The following TMEM39A variants were observed in gnomAD, a reference collection of about 807,000 sequenced individuals.
The protein encoded by TMEM39A is suppressor of SQST-1 aggregates in rpl-43 mutants.
A neutral mutation model predicts 51.9 loss-of-function variants in TMEM39A; 19 were observed. That is an observed-to-expected ratio of 0.37 (90% CI 0.26 to 0.54). TMEM39A has a LOEUF of 0.54. Ranked by LOEUF, TMEM39A falls within the 20% of genes least tolerant of loss-of-function variation. The probability of loss-of-function intolerance (pLI) is 0.88; values close to 1 mark genes in which losing one functional copy is unlikely to be tolerated. For synonymous variants in TMEM39A, 197 were observed against 220.2 expected, an observed-to-expected ratio of 0.89 and a Z score of 0.93; for missense variants, 433 against 590.5, an observed-to-expected ratio of 0.73 and a Z score of 2.76.
chr3:119,448,606 A>C (rs928409270), intron 4 of TMEM39A, among the ~76,000 whole-genome samples: 7 of 152,240 alleles, frequency 4.6e-5, no homozygotes, highest in African/African-American at 1.7e-4. Context: ...CTTAAGCCTC[A>C]AACTGTGAAG....
chr3:119,438,681 A>C (rs1399885149), intron 5 of TMEM39A, among the ~76,000 whole-genome samples: 1 of 152,164 alleles, frequency 6.6e-6, no homozygotes, highest in Non-Finnish European at 1.5e-5. Context: ...CACTACTATA[A>C]ATAACAATGT....
At chr3:119,448,538 T>A (rs2081157781) in intron 4 of TMEM39A, among the ~76,000 whole-genome samples, 1 of 152,182 alleles carries the variant, frequency 6.6e-6, no homozygotes, top group Non-Finnish European at 1.5e-5. Context: ...CATATATACG[T>A]AATATATAGT....
intron 3 of TMEM39A, among the ~76,000 whole-genome samples, chr3:119,455,986 A>C (rs1025734074): frequency 2.0e-5 from 3 of 152,188 alleles, no homozygotes; most frequent in African/African-American, 7.2e-5. Flanking sequence ...TCATTTATAA[A>C]ATGGGAGTCA....
In TMEM39A at chr3:119,437,942, T is replaced by A; in HGVS notation, c.737A>T (p.Glu246Val). Residue 246 changes from glutamate (E) to valine (V), a missense_variant, in exon 6 of 9, where the codon GAG (glutamate) becomes GTG (valine). This residue lies in a region of TMEM39A where 223 missense variants were observed against 328.1 expected (regional missense o/e 0.68). Coordinates refer to ENST00000319172, the MANE Select transcript of TMEM39A (RefSeq NM_018266.3). The stretch of plus-strand genomic sequence containing the variant: ...ATTATTAAACTGTTCTTTTAGCGAC[T>A]CCAGCAACAAGGAGAGAAAGTCTTT... ...KSKDFLSLLL[E>V]SLKEQFNNAT... The A allele has an allele frequency of 1.9e-6, 3 of 1,614,126 alleles. No homozygotes were observed. Among genetic ancestry groups the A allele is most frequent in the Non-Finnish European group, 2.5e-6 (3 of 1,180,006 alleles).
rs1577068240 is a variant in TMEM39A at position 119,460,807 on chromosome 3, G to A, written c.113+1155C>T. Among the ~76,000 whole-genome samples the A allele has an allele frequency of 2.0e-5, 3 of 151,424 alleles. No individual in the cohort carries two copies. The South Asian group carries it at 6.2e-4, about 31-fold the overall frequency. ...CAGCTAAGATTTTCTATCACAATTT[G>A]AAAGTACTGAATCAATAAGTTGATA... is the stretch of plus-strand genomic sequence containing the variant. On this transcript the variant is annotated intron_variant, in intron 2 of 8. Transcript: ENST00000319172.
intron 5 of TMEM39A, among the ~76,000 whole-genome samples, chr3:119,443,360 T>A (rs1577054641): frequency 6.6e-6 from 1 of 152,184 alleles, no homozygotes; most frequent in South Asian, 2.1e-4. Context: ...TACAGAGATA[T>A]GTTTCATGAA....
chr3:119,462,717 T>C (rs79304910), intron 1 of TMEM39A, among the ~76,000 whole-genome samples: 16,065 of 142,144 alleles, frequency 0.11, 1,058 homozygotes, highest in South Asian at 0.17. Flanking sequence ...GTACCAGTAG[T>C]TCTTTTAACA....
intron 5 of TMEM39A, among the ~76,000 whole-genome samples, chr3:119,445,775 CATT>C (rs1289411711): frequency 6.6e-6 from 1 of 152,170 alleles, no homozygotes; most frequent in Non-Finnish European, 1.5e-5. Flanking sequence ...TATAGTAAAA[CATT>C]AATAGGCAGA....
In TMEM39A at chr3:119,437,789, T is replaced by C. The variant is rs1229087299; in HGVS notation, c.890A>G (p.Tyr297Cys). 2 of 1,579,610 alleles carry C rather than the reference T, an allele frequency of 1.3e-6. No homozygotes were observed. Among genetic ancestry groups the C allele is most frequent in the Non-Finnish European group, 1.7e-6 (2 of 1,156,668 alleles). ...ACACAGGGGGAGAAATGCAACATAG[T>C]AGGCACTGAAGAGGGAGTTGAAGAG... ...EVLFNSLFSA[Y>C]YVAFLPLCFV... The change falls in exon 6 of 9, where the codon TAC becomes TGC. Residue 297 changes from tyrosine to cysteine, a missense_variant. By Grantham distance (194) the Tyr-to-Cys change is radical. This residue lies in a region of TMEM39A where 223 missense variants were observed against 328.1 expected (regional missense o/e 0.68). Coordinates refer to ENST00000319172, the MANE Select transcript of TMEM39A (RefSeq NM_018266.3).
At chr3:119,439,436 C>A (rs1462277034) in intron 5 of TMEM39A, among the ~76,000 whole-genome samples, 1 of 151,950 alleles carries the variant, frequency 6.6e-6, no homozygotes, top group African/African-American at 2.4e-5. Context: ...CAAAAATTAG[C>A]TGGGTGTGGT....
chr3:119,435,752 T>A (rs2080960644), intron 7 of TMEM39A: 2 of 1,059,674 alleles, frequency 1.9e-6, no homozygotes, highest in African/African-American at 3.4e-5. Context: ...TGCTCACACT[T>A]ACCAGCATTA....
rs149182685 is a variant in TMEM39A at position 119,451,521 on chromosome 3, T to C, written c.420+926A>G. On this transcript the variant is annotated intron_variant, in intron 4 of 8. Coordinates refer to ENST00000319172, the MANE Select transcript of TMEM39A (RefSeq NM_018266.3). ...TAAGAAAGCACATTTCCCTGCCTCA[T>C]TGGGATTTACAAATATATGAAAAAT... 5.0e-3 allele frequency among the ~76,000 whole-genome samples: 768 copies of C among 152,270 alleles called. 4 individuals carry two copies. The highest frequency in any genetic ancestry group is 0.017 in the African/African-American group (712 of 41,564).
Position 119,452,524 on chromosome 3 carries a change from G to A in TMEM39A, c.343C>T (p.His115Tyr). 1.9e-6 allele frequency: 3 copies of A among 1,612,760 alleles called. No individual in the cohort carries two copies. Among genetic ancestry groups the A allele is most frequent in the Non-Finnish European group, 2.5e-6 (3 of 1,179,164 alleles). ...HPASCTSLNFHLIDYHLAAFI... is the reference protein window; with the variant it reads ...HPASCTSLNFYLIDYHLAAFI... ...GCTGCCAGATGATAATCAATGAGAT[G>A]AAAATTCTACAACAGAAATAAATAA... The change falls in exon 4 of 9, where the codon CAT becomes TAT. Residue 115 changes from histidine to tyrosine, a missense_variant. By Grantham distance (83) the His-to-Tyr change is moderately conservative. Coordinates refer to ENST00000319172, the MANE Select transcript of TMEM39A (RefSeq NM_018266.3).
At position 119,431,273 on chromosome 3, in the gene TMEM39A, CT is replaced by C. The variant is rs2080896142; in HGVS notation, c.*707del. On this transcript the variant is annotated 3_prime_UTR_variant, in exon 9 of 9. Coordinates refer to ENST00000319172, the MANE Select transcript of TMEM39A (RefSeq NM_018266.3). Reference sequence around the variant, plus strand: ...CATCTTCTTCATGAATGTGGGCAGTCTAAAGACTTCCTGTCTGGCAAAGTAT... The same window carrying C: ...CATCTTCTTCATGAATGTGGGCAGTCAAAGACTTCCTGTCTGGCAAAGTAT... The C allele has an allele frequency of 6.6e-6, 1 of 152,136 alleles. No homozygotes were observed. Among genetic ancestry groups the C allele is most frequent in the Non-Finnish European group, 1.5e-5 (1 of 68,022 alleles). 9.4% of individuals were successfully genotyped at this position (152,136 alleles called of 1,614,324 possible).
intron 5 of TMEM39A, among the ~76,000 whole-genome samples, chr3:119,442,596 C>T (rs930253952): frequency 6.6e-6 from 1 of 152,176 alleles, no homozygotes; most frequent in Non-Finnish European, 1.5e-5. Flanking sequence ...ATTCACCATG[C>T]TAAATGCCAT....
In TMEM39A at chr3:119,461,294, GA is replaced by G. The variant is rs200137666; in HGVS notation, c.113+667del. Among the ~76,000 whole-genome samples, 5 of 149,334 alleles carry G rather than the reference GA, an allele frequency of 3.3e-5. No homozygotes were observed. In the East Asian group the frequency reaches 9.7e-4, roughly 29 times the overall value. Reference sequence around the variant, plus strand: ...GGTGGAAGAGGGATTGGAAAGTCAGGAAAAAAAAAGGACAAAGGTCAGGCCT... The same window carrying G: ...GGTGGAAGAGGGATTGGAAAGTCAGGAAAAAAAAGGACAAAGGTCAGGCCT... On this transcript the variant is annotated intron_variant, in intron 2 of 8. Coordinates refer to ENST00000319172, the MANE Select transcript of TMEM39A (RefSeq NM_018266.3).
intron 8 of TMEM39A, among the ~76,000 whole-genome samples, chr3:119,432,986 T>C (rs75853998): frequency 0.11 from 17,381 of 152,240 alleles, 1,179 homozygotes; most frequent in South Asian, 0.18. Flanking sequence ...AATTCTGGTT[T>C]TCTAATACAA....
At chr3:119,435,338 C>T (rs1243993767) in intron 7 of TMEM39A, 26 of 985,030 alleles carry the variant, frequency 2.6e-5, no homozygotes, top group Non-Finnish European at 3.1e-5. Flanking sequence ...GAATTACATC[C>T]CAAAAAACTA....
At chr3:119,458,407 A>C (rs985039880) in intron 2 of TMEM39A, among the ~76,000 whole-genome samples, 167 bp from the exon 3 acceptor site, 1 of 152,172 alleles carries the variant, frequency 6.6e-6, no homozygotes, top group African/African-American at 2.4e-5. Context: ...CAGTGATCTA[A>C]GATGCAGCTA....
Sources: gnomAD v4.1 joint callset for allele counts (sites outside exome capture counted in the v4.1 genomes callset) on GRCh38, gnomAD v4.1.1 for gene constraint, gnomAD v4.1.1 regional missense constraint, MANE v1.5 for transcripts, NCBI Gene and HGNC (gene_info 2026-07-23, HGNC 2026-07-21) for gene names.